CUX2: variants seen among roughly 807,000 people sequenced by gnomAD.
The protein encoded by CUX2 is homeobox protein cut-like 2.
CUX2 carries 40 observed loss-of-function variants against 144.8 expected under a neutral mutation model. The observed-to-expected ratio is 0.28, with a 90% CI of 0.21 to 0.36. The LOEUF (loss-of-function observed/expected upper bound fraction) is 0.36, where lower values mean the gene tolerates loss of function less well. Among genes scored for constraint, CUX2 ranks in the 10% least tolerant of loss-of-function variants. The probability of loss-of-function intolerance (pLI) is 1.00; values close to 1 mark genes in which losing one functional copy is unlikely to be tolerated. For synonymous variants in CUX2, 827 were observed against 875.6 expected (o/e 0.94, Z 0.98); for missense variants, 1,615 against 1,994.0 (o/e 0.81, Z 3.62).
chr12:111,088,875 C>T (rs1284840785), intron 1 of CUX2, among the ~76,000 whole-genome samples: 5 of 152,292 alleles, frequency 3.3e-5, no homozygotes, highest in East Asian at 1.9e-4. Context: ...CCCCGTCTGA[C>T]GAGGCTGACA....
chr12:111,192,068 T>C (rs962040738), intron 1 of CUX2, among the ~76,000 whole-genome samples: 1 of 152,224 alleles, frequency 6.6e-6, no homozygotes, highest in South Asian at 2.1e-4. Flanking sequence ...GGCCCACGCA[T>C]GCAAAGCCCC....
At chr12:111,182,448 T>C (rs1311445926) in intron 1 of CUX2, among the ~76,000 whole-genome samples, 1 of 152,246 alleles carries the variant, frequency 6.6e-6, no homozygotes, top group Non-Finnish European at 1.5e-5. Context: ...CGTTCTCCAG[T>C]TGATCCGTCT....
intron 1 of CUX2, among the ~76,000 whole-genome samples, chr12:111,133,857 C>T (rs1875669721): frequency 6.6e-6 from 1 of 152,252 alleles, no homozygotes; most frequent in Non-Finnish European, 1.5e-5. Flanking sequence ...GGGGAGACTT[C>T]TTCCACTGGC....
chr12:111,279,572 C>T (rs938208000), intron 4 of CUX2, among the ~76,000 whole-genome samples: 3 of 152,228 alleles, frequency 2.0e-5, no homozygotes, highest in African/African-American at 7.2e-5. Context: ...CCTAAAATCC[C>T]AGCACTTTGG....
Position 111,307,352 on chromosome 12 carries a change from C to A in CUX2, c.1109+95C>A. On this transcript the variant is annotated intron_variant, in intron 12 of 21. Transcript: ENST00000261726. The surrounding 1 kb of genome is among the most constrained non-coding windows in gnomAD (Gnocchi z 4.1). ...ATCATCTTCCTCCCTCCTACTAAAC[C>A]CCATTTGTTCTTCTCTCCACTAACA... 1.8e-6 allele frequency: 2 copies of A among 1,123,598 alleles called. No individual in the cohort carries two copies. The highest frequency in any genetic ancestry group is 2.6e-6 in the Non-Finnish European group (2 of 770,816). 69.6% of individuals were successfully genotyped at this position (1,123,598 alleles called of 1,614,324 possible).
intron 18 of CUX2, among the ~76,000 whole-genome samples, chr12:111,330,164 T>G (rs1048338392): frequency 2.0e-5 from 3 of 152,166 alleles, no homozygotes; most frequent in African/African-American, 7.2e-5. Flanking sequence ...AGTAGACTTC[T>G]TGAGACCTCA....
At chr12:111,314,639 T>TAAAAAAAAAAAAAAAAAAA (rs954472479) in intron 16 of CUX2, among the ~76,000 whole-genome samples, 3 of 23,238 alleles carry the variant, frequency 1.3e-4, no homozygotes, top group African/African-American at 4.9e-4. Context: ...AAACTCAGTC[T>TAAAAAAAAAAAAAAAAAAA]AAAAAAAAAA....
chr12:111,328,761 G>A (rs749454750), intron 18 of CUX2, among the ~76,000 whole-genome samples: 12 of 151,784 alleles, frequency 7.9e-5, no homozygotes, highest in Non-Finnish European at 1.5e-4. Flanking sequence ...CTAATTTTTT[G>A]TATTTTTAGA....
chr12:111,318,238 C>CTTTTTTTTTTTTTTTTT (rs955839240), intron 16 of CUX2, among the ~76,000 whole-genome samples: 1 of 109,652 alleles, frequency 9.1e-6, no homozygotes, highest in African/African-American at 4.8e-5. Flanking sequence ...ATTTTTTTTT[C>CTTTTTTTTTTTTTTTTT]TTTTTTCTTT....
At chr12:111,266,051 T>C (rs1331754437) in intron 4 of CUX2, among the ~76,000 whole-genome samples, 9 of 152,162 alleles carry the variant, frequency 5.9e-5, no homozygotes. Flanking sequence ...GCCTCCAAAA[T>C]TTATGTCTAC....
intron 1 of CUX2, among the ~76,000 whole-genome samples, chr12:111,143,971 TCTC>T (rs1410196218): frequency 1.3e-4 from 20 of 152,204 alleles, no homozygotes; most frequent in Admixed American, 4.6e-4. Context: ...CATTCAAGCC[TCTC>T]CTCTGAAGTG....
At chr12:111,240,346 C>T (rs1013542435) in intron 3 of CUX2, among the ~76,000 whole-genome samples, 2 of 152,250 alleles carry the variant, frequency 1.3e-5, no homozygotes, top group African/African-American at 4.8e-5. Flanking sequence ...CCCTCCAGCC[C>T]TCTCTCTAGT....
At chr12:111,347,366 G>GT (rs1302238379) in intron 21 of CUX2, among the ~76,000 whole-genome samples, 158 bp from the exon 22 acceptor site, 3 of 152,184 alleles carry the variant, frequency 2.0e-5, no homozygotes, top group African/African-American at 7.2e-5. Context: ...ACCTTGTGGC[G>GT]TTGTTGAGAA....
chr12:111,324,989 A>G (rs772949170), intron 18 of CUX2, among the ~76,000 whole-genome samples: 1 of 152,098 alleles, frequency 6.6e-6, no homozygotes, highest in Non-Finnish European at 1.5e-5. Context: ...AACGAGGATT[A>G]AAAGCAGCCA....
At chr12:111,093,813 C>T (rs1208618994) in intron 1 of CUX2, among the ~76,000 whole-genome samples, 3 of 152,198 alleles carry the variant, frequency 2.0e-5, no homozygotes, top group Non-Finnish European at 2.9e-5. Flanking sequence ...TTTGCCCTGG[C>T]GATGGACACC....
intron 19 of CUX2, 125 bp downstream of exon 19, chr12:111,334,835 A>G (rs1304182816): frequency 6.5e-6 from 7 of 1,076,422 alleles, no homozygotes; most frequent in Non-Finnish European, 9.2e-6. Flanking sequence ...TTGGGAGGCC[A>G]GGGAGGGAGG....
At position 111,327,860 on chromosome 12, in the gene CUX2, C is replaced by T. The variant is rs146833650; in HGVS notation, c.2926+5280C>T. Among the ~76,000 whole-genome samples the T allele has an allele frequency of 2.8e-3, 426 of 152,210 alleles. 2 individuals carry two copies. The highest frequency in any genetic ancestry group is 9.9e-3 in the African/African-American group (410 of 41,516). On this transcript the variant is annotated intron_variant, in intron 18 of 21. Transcript: ENST00000261726. ...TCACTTGAGGTCAGGAGTTTGAGAC[C>T]AGCCTGACCAACATGGCAAAACCCC...
Position 111,293,584 on chromosome 12 carries a change from G to A in CUX2, c.560+15G>A. On this transcript the variant is annotated intron_variant, in intron 6 of 21. Coordinates refer to ENST00000261726, the MANE Select transcript of CUX2 (RefSeq NM_015267.4). This position sits in a 1 kb window ranked among gnomAD's most constrained non-coding sequence, Gnocchi z 4.5. ...GAAAAACAAAAGTGAGGAAGGGAAGGTGGGTGGGAGGGAGGAAGGAATGGG... is the reference window on the plus strand; with the variant it reads ...GAAAAACAAAAGTGAGGAAGGGAAGATGGGTGGGAGGGAGGAAGGAATGGG... 2 of 1,563,266 alleles carry A rather than the reference G, an allele frequency of 1.3e-6. No homozygotes were observed. The highest frequency in any genetic ancestry group is 2.3e-5 in the East Asian group (1 of 43,248).
chr12:111,105,938 C>T (rs1339916931), intron 1 of CUX2, among the ~76,000 whole-genome samples: 1 of 149,598 alleles, frequency 6.7e-6, no homozygotes, highest in Non-Finnish European at 1.5e-5. Context: ...GATCATGGCT[C>T]ACTGCAGCCT....
Sources: allele counts gnomAD v4.1 joint callset (sites outside exome capture counted in the v4.1 genomes callset), GRCh38; gene constraint gnomAD v4.1.1; non-coding constraint Gnocchi (gnomAD v3.1); transcripts MANE v1.5; gene names NCBI Gene and HGNC (gene_info 2026-07-23, HGNC 2026-07-21).